MAGI1: variants seen among roughly 807,000 people sequenced by gnomAD.
The protein encoded by MAGI1 is membrane associated guanylate kinase, WW and PDZ domain containing 1, also known as membrane-associated guanylate kinase, WW and PDZ domain-containing protein 1.
In MAGI1, 58 loss-of-function variants were observed where a neutral mutation model predicts 139.9. That is an observed-to-expected ratio of 0.41 (90% confidence interval 0.34 to 0.52). The LOEUF (loss-of-function observed/expected upper bound fraction) is 0.52, where lower values mean the gene tolerates loss of function less well. MAGI1 is among the 20% of genes least tolerant of loss of function. MAGI1 has a pLI of 0.12. For synonymous variants in MAGI1, 812 were observed against 737.9 expected (o/e 1.10, Z -1.63); for missense variants, 1,874 against 1,901.6 (o/e 0.99, Z 0.27).
chr3:65,433,647 T>C (rs1947623417), intron 10 of MAGI1, among the ~76,000 whole-genome samples: 2 of 152,110 alleles, frequency 1.3e-5, no homozygotes, highest in Admixed American at 1.3e-4. Flanking sequence ...GGTTGTGTCT[T>C]ACCCAGGGAA....
At chr3:65,430,982 C>T (rs952773488) in intron 10 of MAGI1, 101 bp from the exon 11 acceptor site, 1 of 1,112,638 alleles carries the variant, frequency 9.0e-7, no homozygotes. Flanking sequence ...ACGCTTATGC[C>T]CTAGAGCCTT....
intron 1 of MAGI1, among the ~76,000 whole-genome samples, chr3:65,805,352 G>C (rs763106433): frequency 8.5e-5 from 13 of 152,152 alleles, no homozygotes; most frequent in Admixed American, 8.5e-4. Flanking sequence ...CAACATCACT[G>C]ATCATTAGAG....
At chr3:65,396,411 G>C (rs1944398591) in intron 13 of MAGI1, among the ~76,000 whole-genome samples, 1 of 152,088 alleles carries the variant, frequency 6.6e-6, no homozygotes. Context: ...AACTAAAACT[G>C]TACCAACCTC....
intron 1 of MAGI1, among the ~76,000 whole-genome samples, chr3:65,883,723 C>T (rs1022172498): frequency 1.3e-5 from 2 of 152,192 alleles, no homozygotes; most frequent in Non-Finnish European, 2.9e-5. Flanking sequence ...CTGTTCTAAC[C>T]CTCTCCTCAG....
At chr3:65,611,192 T>C (rs1337001846) in intron 2 of MAGI1, among the ~76,000 whole-genome samples, 5 of 141,650 alleles carry the variant, frequency 3.5e-5, no homozygotes, top group African/African-American at 1.3e-4. Flanking sequence ...ACATATGGTA[T>C]ATATGTGTGT....
At chr3:66,036,354 C>T (rs571494238) in intron 1 of MAGI1, among the ~76,000 whole-genome samples, 12 of 152,278 alleles carry the variant, frequency 7.9e-5, no homozygotes, top group African/African-American at 2.9e-4. Context: ...GAACCTCAAG[C>T]AAAACCTGGA....
chr3:65,752,038 G>C (rs1480929720), intron 1 of MAGI1, among the ~76,000 whole-genome samples: 1 of 152,104 alleles, frequency 6.6e-6, no homozygotes, highest in Non-Finnish European at 1.5e-5. Context: ...GACTTCCCAG[G>C]CTCAAGCCAT....
intron 1 of MAGI1, among the ~76,000 whole-genome samples, chr3:65,869,369 TG>T (rs1559961176): frequency 0.021 from 789 of 37,256 alleles, 10 homozygotes; most frequent in African/African-American, 0.069. Context: ...ACTGGTTTTT[TG>T]TTGTTGTTGT....
At chr3:65,945,706 C>A (rs779807864) in intron 1 of MAGI1, among the ~76,000 whole-genome samples, 18 of 152,348 alleles carry the variant, frequency 1.2e-4, no homozygotes, top group South Asian at 2.1e-4. Flanking sequence ...TTCTGTATGT[C>A]ATTTCTCTTT....
chr3:65,370,761 CG>C (rs1177274115), intron 18 of MAGI1, among the ~76,000 whole-genome samples: 3 of 152,178 alleles, frequency 2.0e-5, no homozygotes, highest in African/African-American at 7.2e-5. Flanking sequence ...CTCCCGCCAG[CG>C]TATCCTGCCC....
At chr3:65,606,351 A>AT (rs1431248728) in intron 2 of MAGI1, among the ~76,000 whole-genome samples, 1 of 151,648 alleles carries the variant, frequency 6.6e-6, no homozygotes, top group Non-Finnish European at 1.5e-5. Flanking sequence ...TTATTTATTT[A>AT]TTTTTTTGAG....
intron 1 of MAGI1, among the ~76,000 whole-genome samples, chr3:65,696,905 A>G (rs1407408727): frequency 1.7e-5 from 2 of 115,076 alleles, no homozygotes; most frequent in Non-Finnish European, 3.5e-5. Context: ...GACACAAAAA[A>G]CCCTTCAAAA....
intron 11 of MAGI1, among the ~76,000 whole-genome samples, chr3:65,430,397 A>C (rs1478078607): frequency 6.6e-6 from 1 of 152,178 alleles, no homozygotes; most frequent in Non-Finnish European, 1.5e-5. Flanking sequence ...ATCTCACTGC[A>C]GAAATCCAAG....
intron 7 of MAGI1, among the ~76,000 whole-genome samples, chr3:65,444,631 A>G (rs1215370698): frequency 3.9e-5 from 6 of 152,174 alleles, no homozygotes; most frequent in Admixed American, 3.9e-4. Context: ...CCAGGGACAC[A>G]AAGACAAACG....
intron 1 of MAGI1, among the ~76,000 whole-genome samples, chr3:65,844,608 T>C (rs1432060342): frequency 6.6e-6 from 1 of 152,134 alleles, no homozygotes; most frequent in East Asian, 1.9e-4. Flanking sequence ...ACACACATCA[T>C]GATCAACTGA....
At chr3:65,911,256 G>A (rs2061656319) in intron 1 of MAGI1, among the ~76,000 whole-genome samples, 1 of 151,860 alleles carries the variant, frequency 6.6e-6, no homozygotes, top group Non-Finnish European at 1.5e-5. Context: ...TCCATAGGCT[G>A]GTTTAGACAT....
chr3:65,405,179 T>C (rs1247383266), intron 12 of MAGI1, among the ~76,000 whole-genome samples: 7 of 152,186 alleles, frequency 4.6e-5, no homozygotes, highest in African/African-American at 1.7e-4. Flanking sequence ...CGAGAAAAGC[T>C]TGGGACTTGA....
intron 2 of MAGI1, among the ~76,000 whole-genome samples, chr3:65,557,900 G>C (rs536358361): frequency 1.3e-5 from 2 of 152,270 alleles, no homozygotes; most frequent in South Asian, 4.2e-4. Flanking sequence ...ATTAATAGAA[G>C]ATAACCATGT....
At chr3:65,998,381 C>CT (rs1236850266) in intron 1 of MAGI1, among the ~76,000 whole-genome samples, 2 of 152,128 alleles carry the variant, frequency 1.3e-5, no homozygotes, top group African/African-American at 2.4e-5. Context: ...TGTTACATAG[C>CT]TTTTTCGTGC....
Sources: allele counts gnomAD v4.1 joint callset (sites outside exome capture counted in the v4.1 genomes callset), GRCh38; gene constraint gnomAD v4.1.1; transcripts MANE v1.5; gene names NCBI Gene and HGNC (gene_info 2026-07-23, HGNC 2026-07-21).